The following NUP98 variants were observed in gnomAD, a reference collection of about 807,000 sequenced individuals.
The protein encoded by NUP98 is nuclear pore complex protein Nup98-Nup96.
Under a neutral mutation model 191.9 loss-of-function variants are expected in NUP98, and 26 were observed. The ratio of observed to expected loss-of-function variants is 0.14; its 90% confidence interval spans 0.10 to 0.19. The LOEUF is 0.19. Among genes scored for constraint, NUP98 ranks in the 10% least tolerant of loss-of-function variants. NUP98 has a pLI of 1.00. For missense variants in NUP98, 1,941 were observed against 2,178.8 expected (o/e 0.89, Z 2.17); for synonymous variants, 808 against 778.4 (o/e 1.04, Z -0.63).
intron 8 of NUP98, among the ~76,000 whole-genome samples, chr11:3,766,610 A>G (rs1350549540): frequency 7.1e-6 from 1 of 141,654 alleles, no homozygotes; most frequent in African/African-American, 2.7e-5. Context: ...AATCCCTTGA[A>G]CCCAGGAGGC....
chr11:3,700,892 G>A lies in NUP98; in HGVS notation c.3513-53C>T, dbSNP rs139362525. On this transcript the variant is annotated intron_variant, in intron 23 of 32. Transcript: ENST00000324932. ...GAAAATGAACCTAAGACAGAAGCTAGGATTTTTACTTCAACCAAACCACTG... is the reference window on the plus strand; with the variant it reads ...GAAAATGAACCTAAGACAGAAGCTAAGATTTTTACTTCAACCAAACCACTG... 1,210 of 1,228,554 alleles carry A rather than the reference G, an allele frequency of 9.8e-4. 9 individuals carry two copies. In the African/African-American group the frequency reaches 0.017, roughly 17 times the overall value. The allele number at this position is 1,228,554 out of a possible 1,614,324, so 76.1% of individuals were successfully genotyped here.
intron 28 of NUP98, among the ~76,000 whole-genome samples, chr11:3,687,977 C>T (rs1330480184): frequency 6.6e-6 from 1 of 152,144 alleles, no homozygotes; most frequent in Non-Finnish European, 1.5e-5. Context: ...CATCATTAGA[C>T]ATTAGGGAAA....
intron 1 of NUP98, among the ~76,000 whole-genome samples, chr11:3,794,062 C>G (rs1487309551): frequency 1.3e-5 from 2 of 152,144 alleles, no homozygotes; most frequent in Non-Finnish European, 2.9e-5. Flanking sequence ...TTCAGACATT[C>G]CTGATCGTTA....
intron 30 of NUP98, among the ~76,000 whole-genome samples, chr11:3,681,246 G>T (rs982516900): frequency 7.9e-5 from 12 of 152,186 alleles, no homozygotes; most frequent in African/African-American, 2.2e-4. Flanking sequence ...TCACCATGTT[G>T]CCCAGGCTGG....
rs1302249016 is a variant in NUP98 at position 3,705,239 on chromosome 11, G to A, written c.3043C>T (p.Pro1015Ser). The part of the protein sequence containing the change: ...TSQEICSPRL[P>S]ISASHSSKTR... ...TTCGACGAGTGGGATGCTGAAATGGGGAGTCTGGGAGAACAGATTTCTTGA... is the reference window on the plus strand; with the variant it reads ...TTCGACGAGTGGGATGCTGAAATGGAGAGTCTGGGAGAACAGATTTCTTGA... The change falls in exon 22 of 33, where the codon CCC becomes TCC. Residue 1015 changes from proline to serine, a missense_variant. Physicochemically the swap from Pro to Ser is moderately conservative, Grantham distance 74. Transcript: ENST00000324932. The A allele has an allele frequency of 1.2e-6, 2 of 1,614,032 alleles. No individual in the cohort carries two copies. Among genetic ancestry groups the A allele is most frequent in the East Asian group, 2.2e-5 (1 of 44,898 alleles).
At chr11:3,719,344 C>T (rs11029446) in intron 18 of NUP98, 68 bp downstream of exon 18, 252,146 of 1,283,500 alleles carry the variant, frequency 0.2, 25,830 homozygotes, top group Middle Eastern at 0.22. Flanking sequence ...CATCTAAACA[C>T]ATTTATGTTT....
rs2079357431 is a variant in NUP98 at position 3,720,733 on chromosome 11, C to G, written c.2239G>C (p.Asp747His). The change falls in exon 17 of 33, where the codon GAT (aspartate) becomes CAT (histidine). Residue 747 changes from aspartate to histidine, a missense_variant. By Grantham distance (81) the Asp-to-His change is moderately conservative. Around this residue, in one of 6 missense-constraint regions of NUP98, gnomAD observed 453 missense variants for 438.2 expected, o/e 1.03. Coordinates refer to ENST00000324932, the MANE Select transcript of NUP98 (RefSeq NM_016320.5). ...TNEKGECIVS[D>H]FTIGRKGYGS... The stretch of plus-strand genomic sequence containing the variant: ...TTACCTTTCCGACCAATAGTGAAAT[C>G]AGAGACAATGCACTCTCCTTTTTCA... 2.5e-6 allele frequency: 4 copies of G among 1,587,544 alleles called. No individual in the cohort carries two copies. The African/African-American group carries it at 4.1e-5, about 16-fold the overall frequency.
intron 8 of NUP98, among the ~76,000 whole-genome samples, 164 bp from the exon 9 acceptor site, chr11:3,763,203 G>C (rs2081231917): frequency 6.6e-6 from 1 of 152,090 alleles, no homozygotes; most frequent in Non-Finnish European, 1.5e-5. Flanking sequence ...GAAAAGCAGG[G>C]AGTATATTTT....
intron 28 of NUP98, among the ~76,000 whole-genome samples, chr11:3,686,471 G>C (rs1456741268): frequency 2.0e-5 from 3 of 152,282 alleles, no homozygotes; most frequent in East Asian, 3.9e-4. Context: ...TCCTGATACA[G>C]GGAGTCTTCA....
At chr11:3,718,633 T>A (rs1025406948) in intron 18 of NUP98, among the ~76,000 whole-genome samples, 2 of 152,132 alleles carry the variant, frequency 1.3e-5, no homozygotes, top group Admixed American at 1.3e-4. Context: ...CTGCTCAGAT[T>A]TTCTATTTCT....
intron 9 of NUP98, among the ~76,000 whole-genome samples, chr11:3,761,673 G>A (rs1168747147): frequency 6.6e-6 from 1 of 152,144 alleles, no homozygotes; most frequent in East Asian, 1.9e-4. Context: ...GCAGAGAACT[G>A]CTTGAACCCG....
rs368080917 is a variant in NUP98 at position 3,724,530 on chromosome 11, G to A, written c.1847+573C>T. Among the ~76,000 whole-genome samples the A allele has an allele frequency of 5.3e-5, 8 of 151,782 alleles. No individual in the cohort carries two copies. In the East Asian group the frequency reaches 1.2e-3, roughly 22 times the overall value. ...TACAAGGCTGGGCACGGTGGCTCAC[G>A]CATGTAATACCAACGTTTTAGGAGG... On this transcript the variant is annotated intron_variant, in intron 15 of 32. Coordinates refer to ENST00000324932, the MANE Select transcript of NUP98 (RefSeq NM_016320.5).
rs572413844 is a variant in NUP98 at position 3,676,607 on chromosome 11, C to T, written c.5087G>A (p.Gly1696Asp). The T allele has an allele frequency of 1.3e-4, 208 of 1,613,760 alleles. 3 individuals carry two copies. In the South Asian group the frequency reaches 2.2e-3, roughly 17 times the overall value. The change falls in exon 32 of 33, where the codon GGT becomes GAT. Residue 1696 changes from glycine to aspartate, a missense_variant. This residue lies in a region of NUP98 where 1,030 missense variants were observed against 1,115.8 expected (regional missense o/e 0.92). Transcript: ENST00000324932. ...GATGTGTAACTGCTCCAGGTCATTA[C>T]CTGAGCAATCCACCTACAAAGAAGC... ...LRHIQQVDCS[G>D]NDLEQLHIKV...
rs149740772 is a variant in NUP98, at chr11:3,736,182, T to G, written c.1409-858A>C. 4.3e-3 allele frequency among the ~76,000 whole-genome samples: 654 copies of G among 152,174 alleles called. 2 individuals are homozygous for G. The highest frequency in any genetic ancestry group is 0.015 in the African/African-American group (611 of 41,540). On this transcript the variant is annotated intron_variant, in intron 12 of 32. Transcript: ENST00000324932. ...CCTGAAATTGAACTATCTGCCCACC[T>G]TGGCCTCCCAAAATGCCAGGATTAC...
intron 29 of NUP98, among the ~76,000 whole-genome samples, chr11:3,684,084 C>G (rs903819558): frequency 6.6e-6 from 1 of 151,802 alleles, no homozygotes; most frequent in Non-Finnish European, 1.5e-5. Context: ...TGGTGGCAGG[C>G]GTCTGTAATC....
intron 28 of NUP98, among the ~76,000 whole-genome samples, chr11:3,689,972 CAAAG>C (rs2078258582): frequency 1.2e-5 from 1 of 85,662 alleles, no homozygotes; most frequent in East Asian, 3.7e-4. Flanking sequence ...TTTTTTGAGA[CAAAG>C]AGTCTTGTTT....
In NUP98 at chr11:3,712,120, C is replaced by T. The variant is rs992116276; in HGVS notation, c.2742+444G>A. The T allele has an allele frequency of 2.1e-5, 22 of 1,057,672 alleles. No homozygotes were observed. The African/African-American group carries it at 3.5e-4, about 17-fold the overall frequency. The allele number at this position is 1,057,672 out of a possible 1,614,324, so 65.5% of individuals were successfully genotyped here. Reference sequence around the variant, plus strand: ...GGTTACCCGAAGTATAAGCAAACAACTTTAAAAAAATGGAGATTAAAAACC... The same window carrying T: ...GGTTACCCGAAGTATAAGCAAACAATTTTAAAAAAATGGAGATTAAAAACC... On this transcript the variant is annotated intron_variant, in intron 20 of 32. Coordinates refer to ENST00000324932, the MANE Select transcript of NUP98 (RefSeq NM_016320.5).
At chr11:3,681,629 C>A (rs773956918) in intron 30 of NUP98, among the ~76,000 whole-genome samples, 5 of 151,496 alleles carry the variant, frequency 3.3e-5, no homozygotes, top group Non-Finnish European at 7.4e-5. Context: ...TTTTTCTGAG[C>A]AGGTTTCAAC....
intron 8 of NUP98, among the ~76,000 whole-genome samples, chr11:3,765,493 G>A (rs1196432562): frequency 6.6e-6 from 1 of 152,088 alleles, no homozygotes; most frequent in Non-Finnish European, 1.5e-5. Context: ...TTTAGGTCTT[G>A]CACTTAGAAA....
Sources: gnomAD v4.1 joint callset for allele counts (sites outside exome capture counted in the v4.1 genomes callset) on GRCh38, gnomAD v4.1.1 for gene constraint, gnomAD v4.1.1 regional missense constraint, MANE v1.5 for transcripts, NCBI Gene and HGNC (gene_info 2026-07-23, HGNC 2026-07-21) for gene names.